Variants in ZC4H2 observed in about 807,000 individuals in gnomAD.
ZC4H2 encodes zinc finger C4H2-type containing, also known as zinc finger C4H2 domain-containing protein.
For missense variants in ZC4H2, 137 were observed against 173.9 expected, an observed-to-expected ratio of 0.79 and a Z score of 1.19; for synonymous variants, 84 against 66.3, an observed-to-expected ratio of 1.27 and a Z score of -1.30.
At chrX:64,966,160 G>T (rs762546022) in intron 1 of ZC4H2, among the ~76,000 whole-genome samples, 3 of 111,524 alleles carry the variant, frequency 2.7e-5, no homozygotes, top group Non-Finnish European at 1.9e-5. Context: ...ACACTTCACA[G>T]AAGAGGATAT....
At chrX:65,003,320 T>G (rs1350692320) in intron 1 of ZC4H2, among the ~76,000 whole-genome samples, 1 of 111,282 alleles carries the variant, frequency 9.0e-6, no homozygotes, top group Non-Finnish European at 1.9e-5. Flanking sequence ...AATGCCCACA[T>G]CAGACAGTGG....
chrX:64,924,141 A>T (rs182314196), intron 1 of ZC4H2, among the ~76,000 whole-genome samples: 1 of 111,912 alleles, frequency 8.9e-6, no homozygotes, highest in East Asian at 2.8e-4. Context: ...CCTAAGTGTC[A>T]TACAACCAGT....
chrX:64,948,650 A>G (rs1473591084), intron 1 of ZC4H2, among the ~76,000 whole-genome samples: 1 of 112,139 alleles, frequency 8.9e-6, no homozygotes, highest in African/African-American at 3.2e-5. Context: ...ATACAAACCT[A>G]CTACATAATT....
chrX:65,013,005 G>A (rs1248823427), intron 1 of ZC4H2, among the ~76,000 whole-genome samples: 6 of 111,684 alleles, frequency 5.4e-5, no homozygotes, highest in Non-Finnish European at 9.4e-5. Context: ...GCCACACCAA[G>A]CTGCATGCAA....
chrX:64,988,796 C>A (rs1479114243), intron 1 of ZC4H2, among the ~76,000 whole-genome samples: 1 of 110,805 alleles, frequency 9.0e-6, no homozygotes, highest in African/African-American at 3.3e-5. Context: ...AAGTCCTTGC[C>A]CATGCCTATG....
intron 1 of ZC4H2, among the ~76,000 whole-genome samples, chrX:65,012,187 C>T (rs1932760265): frequency 1.1e-5 from 1 of 87,346 alleles, no homozygotes; most frequent in Non-Finnish European, 2.1e-5. Context: ...GAGATTGTGC[C>T]ACTGCACTCC....
rs760007143 is a variant in ZC4H2, at chrX:64,974,093, C to T, written c.53+2232G>A. Among the ~76,000 whole-genome samples, 5 of 111,752 alleles carry T rather than the reference C, an allele frequency of 4.5e-5. No individual in the cohort carries two copies. In the South Asian group the frequency reaches 1.5e-3, roughly 33 times the overall value. On this transcript the variant is annotated intron_variant, in intron 1 of 4. Transcript: ENST00000374839. ...CCTCTTTCTCCTGGGAATTTGTTGG[C>T]ATAAATGTTAAAGCTTTTGTTATAG...
Position 64,998,460 on chromosome X carries a change from A to C in ZC4H2, c.-272+36169T>G, listed in dbSNP as rs754811837. Among the ~76,000 whole-genome samples, 3 of 112,390 alleles carry C rather than the reference A, an allele frequency of 2.7e-5. No homozygotes were observed. The South Asian group carries it at 1.1e-3, about 42-fold the overall frequency. On this transcript the variant is annotated intron_variant, in intron 1 of 4. Transcript: ENST00000337990. ...AGAAAAAGGTCAGAAATATATTCCA[A>C]TTATAAACATATCCACACCAAACAA...
At chrX:64,933,622 G>C (rs917805017) in intron 1 of ZC4H2, among the ~76,000 whole-genome samples, 2 of 110,466 alleles carry the variant, frequency 1.8e-5, no homozygotes, top group African/African-American at 6.6e-5. Flanking sequence ...AACTCTGTAT[G>C]AGTTCCTTAT....
At chrX:64,960,635 A>C (rs188840822) in intron 1 of ZC4H2, among the ~76,000 whole-genome samples, 70 of 112,533 alleles carry the variant, frequency 6.2e-4, no homozygotes, top group African/African-American at 2.2e-3. Context: ...AACTGATACT[A>C]AGTATAGGAA....
chrX:64,965,857 G>A (rs1362129076), intron 1 of ZC4H2, among the ~76,000 whole-genome samples: 3 of 104,941 alleles, frequency 2.9e-5, no homozygotes, highest in African/African-American at 1.0e-4. Flanking sequence ...ATAACTTCTG[G>A]AGCCCAGGAA....
chrX:64,938,660 C>T (rs1425132745), intron 1 of ZC4H2, among the ~76,000 whole-genome samples: 1 of 111,925 alleles, frequency 8.9e-6, no homozygotes, highest in East Asian at 2.8e-4. Context: ...CAATCCATCA[C>T]ATAAACATAA....
intron 1 of ZC4H2, among the ~76,000 whole-genome samples, chrX:64,941,019 C>T (rs1930256339): frequency 8.9e-6 from 1 of 112,022 alleles, no homozygotes; most frequent in Non-Finnish European, 1.9e-5. Flanking sequence ...ATTGATTCTT[C>T]CTATCCATGA....
intron 3 of ZC4H2, 156 bp downstream of exon 3, chrX:64,919,925 G>T: frequency 2.1e-6 from 1 of 478,872 alleles, no homozygotes; most frequent in Non-Finnish European, 3.3e-6. Context: ...ATCACACAGT[G>T]AGTAAGCCAC....
intron 1 of ZC4H2, among the ~76,000 whole-genome samples, chrX:65,023,147 T>G (rs1932849851): frequency 9.0e-6 from 1 of 111,557 alleles, no homozygotes; most frequent in African/African-American, 3.3e-5. Flanking sequence ...TGAGGGCTCT[T>G]TTTTGGTTCC....
chrX:65,006,391 G>C (rs1182439938), intron 1 of ZC4H2, among the ~76,000 whole-genome samples: 2 of 111,357 alleles, frequency 1.8e-5, no homozygotes. Flanking sequence ...AAAAAAGGAT[G>C]AGTTCATGTC....
Position 65,000,414 on chromosome X carries a change from A to G in ZC4H2, c.-272+34215T>C, listed in dbSNP as rs1921064206. 2.7e-5 allele frequency among the ~76,000 whole-genome samples: 3 copies of G among 112,197 alleles called. No individual in the cohort carries two copies. The South Asian group carries it at 1.1e-3, about 42-fold the overall frequency. ...ATCAACAAAAAAAGGACGTCCTGGC[A>G]GAAATCCCATCAGAAGGTCACCAAC... On this transcript the variant is annotated intron_variant, in intron 1 of 4. Transcript: ENST00000337990.
At chrX:65,029,971 G>A (rs904128148) in intron 1 of ZC4H2, among the ~76,000 whole-genome samples, 18 of 111,337 alleles carry the variant, frequency 1.6e-4, no homozygotes, top group Admixed American at 1.2e-3. Flanking sequence ...ATCAATTTGC[G>A]TTAAAAGGTC....
Position 64,917,508 on chromosome X carries a change from TC to T in ZC4H2, c.*274del. ...GAATCATATCTGAGCCTTTTGCCCT[TC>T]CCTTAGCTCCAAACAAGGGCAGGGG... On this transcript the variant is annotated 3_prime_UTR_variant, in exon 5 of 5. Transcript: ENST00000374839. The T allele has an allele frequency of 6.9e-6, 2 of 288,718 alleles. No homozygotes were observed. Among genetic ancestry groups the T allele is most frequent in the Non-Finnish European group, 1.2e-5 (2 of 164,388 alleles). The allele number at this position is 288,718 out of a possible 1,213,427, so 23.8% of individuals were successfully genotyped here. A position where few individuals can be genotyped will look rare whatever the true frequency, so the allele number is the denominator to read the frequency against.
Sources: gnomAD v4.1 joint callset for allele counts (sites outside exome capture counted in the v4.1 genomes callset) on GRCh38, gnomAD v4.1.1 for gene constraint, MANE v1.5 for transcripts, NCBI Gene and HGNC (gene_info 2026-07-23, HGNC 2026-07-21) for gene names.